The following SDC3 variants were observed in gnomAD, a reference collection of about 807,000 sequenced individuals.
The protein encoded by SDC3 is syndecan-3.
SDC3 carries 13 observed loss-of-function variants against 24.4 expected under a neutral mutation model. That is an observed-to-expected ratio of 0.53 (90% CI 0.35 to 0.85). SDC3 has a LOEUF of 0.85. Among genes scored for constraint, SDC3 ranks in the 40% least tolerant of loss-of-function variants. The pLI, the probability that SDC3 is intolerant of heterozygous loss-of-function variation, is 0.01. For synonymous variants in SDC3, 295 were observed against 260.9 expected, an observed-to-expected ratio of 1.13 and a Z score of -1.26; for missense variants, 571 against 584.5, an observed-to-expected ratio of 0.98 and a Z score of 0.24.
chr1:30,876,658 C>G lies in SDC3; in HGVS notation c.764G>C (p.Arg255Pro), dbSNP rs377512741. 2 of 1,596,862 alleles carry G rather than the reference C, an allele frequency of 1.3e-6. No homozygotes were observed. Among genetic ancestry groups the G allele is most frequent in the Non-Finnish European group, 8.5e-7 (1 of 1,171,186 alleles). The change falls in exon 3 of 5, where the codon CGG becomes CCG. Residue 255 changes from arginine to proline, a missense_variant. Physicochemically the swap from Arg to Pro is moderately radical, Grantham distance 103. Coordinates refer to ENST00000339394, the MANE Select transcript of SDC3 (RefSeq NM_014654.4). Reference protein sequence around the residue: ...TPRLVSTATSRPRALPRPATT... With the variant: ...TPRLVSTATSPPRALPRPATT... Reference sequence around the variant, plus strand: ...GGCCGGCCTGGGAAGGGCTCTTGGCCGGGAGGTAGCTGTGCTGACCAGCCT... The same window carrying G: ...GGCCGGCCTGGGAAGGGCTCTTGGCGGGGAGGTAGCTGTGCTGACCAGCCT...
intron 1 of SDC3, among the ~76,000 whole-genome samples, chr1:30,891,681 C>T (rs942378784): frequency 2.0e-5 from 3 of 151,754 alleles, no homozygotes; most frequent in South Asian, 4.2e-4. Flanking sequence ...TTCGAGACCC[C>T]GTCTCTACTA....
chr1:30,897,861 T>C (rs1407215422), intron 1 of SDC3, among the ~76,000 whole-genome samples: 1 of 152,204 alleles, frequency 6.6e-6, no homozygotes, highest in Non-Finnish European at 1.5e-5. Flanking sequence ...AGATGAAACA[T>C]TTGGCCGAGT....
At chr1:30,889,469 A>T (rs1217527300) in intron 1 of SDC3, among the ~76,000 whole-genome samples, 1 of 152,028 alleles carries the variant, frequency 6.6e-6, no homozygotes, top group Non-Finnish European at 1.5e-5. Context: ...CCACCCCCAG[A>T]TCCTCTCCTT....
chr1:30,883,021 TA>T (rs999562656), intron 1 of SDC3, among the ~76,000 whole-genome samples: 4 of 152,206 alleles, frequency 2.6e-5, no homozygotes, highest in African/African-American at 9.6e-5. Context: ...TAGTTTATGT[TA>T]AAATTTCTAT....
At chr1:30,888,766 C>T (rs1049751662) in intron 1 of SDC3, among the ~76,000 whole-genome samples, 8 of 152,196 alleles carry the variant, frequency 5.3e-5, no homozygotes, top group Non-Finnish European at 8.8e-5. Context: ...ACTGGCTTCT[C>T]GGCTGCTCCT....
At chr1:30,895,803 G>A (rs1441878805) in intron 1 of SDC3, among the ~76,000 whole-genome samples, 2 of 140,024 alleles carry the variant, frequency 1.4e-5, no homozygotes, top group Admixed American at 7.6e-5. Flanking sequence ...CAGGGAGCAA[G>A]ATAAGGGCCT....
At chr1:30,895,505 G>A (rs1639987472) in intron 1 of SDC3, among the ~76,000 whole-genome samples, 1 of 152,190 alleles carries the variant, frequency 6.6e-6, no homozygotes, top group Non-Finnish European at 1.5e-5. Context: ...TCACTGCTGA[G>A]TGACCCTCAA....
chr1:30,877,136 C>T lies in SDC3; in HGVS notation c.286G>A (p.Ala96Thr), dbSNP rs41269523. ...YFEQESGIET[A>T]MRFSPDVALA... is the part of the protein sequence containing the mutation. Reference sequence around the variant, plus strand: ...GCTACATCTGGGCTGAAGCGCATGGCTGTCTCAATGCCCGACTCCTGCTCG... The same window carrying T: ...GCTACATCTGGGCTGAAGCGCATGGTTGTCTCAATGCCCGACTCCTGCTCG... Residue 96 changes from alanine (A) to threonine (T), a missense_variant, in exon 3 of 5, where the codon GCC (alanine) becomes ACC (threonine). By Grantham distance (58) the Ala-to-Thr change is moderately conservative (BLOSUM62 0). Around this residue, in one of 2 missense-constraint regions of SDC3, gnomAD observed 497 missense variants for 471.6 expected, o/e 1.05. Transcript: ENST00000339394. 19,504 of 1,613,878 alleles carry T rather than the reference C, an allele frequency of 0.012. 166 individuals are homozygous for T. The highest frequency in any genetic ancestry group is 0.014 in the Non-Finnish European group (16,968 of 1,179,948).
At chr1:30,909,475 C>T (rs994481657), upstream of SDC3, among the ~76,000 whole-genome samples, 2 of 152,198 alleles carry the variant, frequency 1.3e-5, no homozygotes, top group African/African-American at 2.4e-5. Context: ...AATGGGACCA[C>T]CCCCTCCAGT....
Position 30,870,159 on chromosome 1 carries a change from A to C in SDC3, c.*3052T>G, listed in dbSNP as rs1281840100. ...CCAGGGGCCCCCACCAGGAGGCCTGACAGGCGGCTTTGCCAACCCCAGGGG... is the reference window on the plus strand; with the variant it reads ...CCAGGGGCCCCCACCAGGAGGCCTGCCAGGCGGCTTTGCCAACCCCAGGGG... On this transcript the variant is annotated 3_prime_UTR_variant, in exon 5 of 5. Coordinates refer to ENST00000339394, the MANE Select transcript of SDC3 (RefSeq NM_014654.4). 1 of 370,734 alleles carries C rather than the reference A, an allele frequency of 2.7e-6. No individual in the cohort carries two copies. The highest frequency in any genetic ancestry group is 4.8e-6 in the Non-Finnish European group (1 of 209,226). The allele number at this position is 370,734 out of a possible 1,614,324, so 23.0% of individuals were successfully genotyped here. A position where few individuals can be genotyped will look rare whatever the true frequency, so the allele number is the denominator to read the frequency against.
Position 30,873,382 on chromosome 1 carries a change from G to A in SDC3, c.1163-5C>T. 2 of 1,612,632 alleles carry A rather than the reference G, an allele frequency of 1.2e-6. No homozygotes were observed. The highest frequency in any genetic ancestry group is 1.7e-6 in the Non-Finnish European group (2 of 1,178,868). The stretch of plus-strand genomic sequence containing the variant: ...CCACCCCGCCCACAATCACAGCTGT[G>A]GAAGAAGAGGGCACAGGTCAAGGCC... On this transcript the variant is annotated splice_region_variant and splice_polypyrimidine_tract_variant and intron_variant, in intron 4 of 4. Coordinates refer to ENST00000339394, the MANE Select transcript of SDC3 (RefSeq NM_014654.4).
rs765430747 is a variant in SDC3 at position 30,882,387 on chromosome 1, T to C, written c.139-3647A>G. On this transcript the variant is annotated intron_variant, in intron 1 of 4. Coordinates refer to ENST00000339394, the MANE Select transcript of SDC3 (RefSeq NM_014654.4). Reference sequence around the variant, plus strand: ...CACAGCCTCACTCCACAGAGGCACCTCAGGCTCCCAGCCCAGAAGGGACCA... The same window carrying C: ...CACAGCCTCACTCCACAGAGGCACCCCAGGCTCCCAGCCCAGAAGGGACCA... Among the ~76,000 whole-genome samples the C allele has an allele frequency of 1.3e-3, 194 of 152,160 alleles. 1 individual carries two copies. Among genetic ancestry groups the C allele is most frequent in the Middle Eastern group, 0.01 (3 of 294 alleles).
At chr1:30,895,315 G>A (rs892442714) in intron 1 of SDC3, among the ~76,000 whole-genome samples, 2 of 152,166 alleles carry the variant, frequency 1.3e-5, no homozygotes, top group African/African-American at 4.8e-5. Flanking sequence ...AGGATTACCT[G>A]GCCTCACTTG....
chr1:30,872,782 C>T lies in SDC3; in HGVS notation c.*429G>A, dbSNP rs1244371461. On this transcript the variant is annotated 3_prime_UTR_variant, in exon 5 of 5. Transcript: ENST00000339394. ...TAGATGATTTCAAGGGCTGTGTTTA[C>T]CAAATGTTTGTCCTGGAAACCAGCC... is the stretch of plus-strand genomic sequence containing the variant. 5.2e-6 allele frequency: 1 copy of T among 193,576 alleles called. No homozygotes were observed. The highest frequency in any genetic ancestry group is 5.3e-5 in the Admixed American group (1 of 18,750). The allele number at this position is 193,576 out of a possible 1,614,324, so 12.0% of individuals were successfully genotyped here. A position where few individuals can be genotyped will look rare whatever the true frequency, so the allele number is the denominator to read the frequency against.
At position 30,874,293 on chromosome 1, in the gene SDC3, T is replaced by G; in HGVS notation, c.1162+4A>C. On this transcript the variant is annotated splice_donor_region_variant and intron_variant, in intron 4 of 4. Transcript: ENST00000339394. ...CTCCCCTTGGCCCAGACCCCAAGCCTCACCTACGAGCACCTCCTTCCGCTC... is the reference window on the plus strand; with the variant it reads ...CTCCCCTTGGCCCAGACCCCAAGCCGCACCTACGAGCACCTCCTTCCGCTC... 1 of 1,601,440 alleles carries G rather than the reference T, an allele frequency of 6.2e-7. No homozygotes were observed.
At chr1:30,888,882 TCAGA>T (rs1439774797) in intron 1 of SDC3, among the ~76,000 whole-genome samples, 1 of 152,118 alleles carries the variant, frequency 6.6e-6, no homozygotes, top group African/African-American at 2.4e-5. Context: ...GAGCAAGGCA[TCAGA>T]CAAAAAGGCT....
intron 1 of SDC3, among the ~76,000 whole-genome samples, chr1:30,885,918 C>T (rs531150679): frequency 6.6e-6 from 1 of 152,348 alleles, no homozygotes; most frequent in Admixed American, 6.5e-5. Context: ...GCCAGGCCCC[C>T]TCCTCAACCC....
chr1:30,908,239 G>A (rs1170962128), intron 1 of SDC3, among the ~76,000 whole-genome samples: 1 of 149,782 alleles, frequency 6.7e-6, no homozygotes, highest in Non-Finnish European at 1.5e-5. Flanking sequence ...GCGGATGCCA[G>A]CTAGGGGGAG....
chr1:30,875,152 G>A (rs375446832), intron 3 of SDC3, among the ~76,000 whole-genome samples: 18 of 152,212 alleles, frequency 1.2e-4, no homozygotes, highest in Non-Finnish European at 1.6e-4. Context: ...CCCACCACTC[G>A]GAGGCAGGAT....
Sources: gnomAD v4.1 joint callset for allele counts (sites outside exome capture counted in the v4.1 genomes callset) on GRCh38, gnomAD v4.1.1 for gene constraint, gnomAD v4.1.1 regional missense constraint, MANE v1.5 for transcripts, NCBI Gene and HGNC (gene_info 2026-07-23, HGNC 2026-07-21) for gene names.